Variants in KIF1B observed in about 807,000 individuals in gnomAD.
KIF1B encodes kinesin-like protein KIF1B.
In KIF1B, 76 loss-of-function variants were observed where a neutral mutation model predicts 241.9. The observed-to-expected ratio is 0.31, with a 90% CI of 0.26 to 0.38. The LOEUF (loss-of-function observed/expected upper bound fraction) is 0.38, where lower values mean the gene tolerates loss of function less well. KIF1B is among the 10% of genes least tolerant of loss of function. The pLI is 1.00. For synonymous variants in KIF1B, 750 were observed against 796.7 expected (o/e 0.94, Z 0.99); for missense variants, 1,622 against 2,271.4 (o/e 0.71, Z 5.81).
chr1:10,250,848 T>C (rs1647399919), intron 2 of KIF1B, among the ~76,000 whole-genome samples: 1 of 151,260 alleles, frequency 6.6e-6, no homozygotes, highest in Non-Finnish European at 1.5e-5. Context: ...GGATTAGTTG[T>C]TGATAGAAGC....
In KIF1B at chr1:10,354,059, C is replaced by T. The variant is rs572295829; in HGVS notation, c.4055+1323C>T. On this transcript the variant is annotated intron_variant, in intron 38 of 48. Transcript: ENST00000676179. ...GAAATACTGGTTATTCTAATTTTGC[C>T]TCCATTAGAGTAACTTTAAGAAGTC... Among the ~76,000 whole-genome samples the T allele has an allele frequency of 1.6e-4, 24 of 152,190 alleles. 1 individual carries two copies. Among genetic ancestry groups the T allele is most frequent in the South Asian group, 6.2e-4 (3 of 4,818 alleles).
In KIF1B at chr1:10,365,799, C is replaced by A; in HGVS notation, c.4752+151C>A. 8.7e-7 allele frequency: 1 copy of A among 1,148,238 alleles called. No homozygotes were observed. The highest frequency in any genetic ancestry group is 1.3e-6 in the Non-Finnish European group (1 of 791,890). The allele number at this position is 1,148,238 out of a possible 1,614,324, so 71.1% of individuals were successfully genotyped here. A position where few individuals can be genotyped will look rare whatever the true frequency, so the allele number is the denominator to read the frequency against. On this transcript the variant is annotated intron_variant, in intron 43 of 48. Coordinates refer to ENST00000676179, the MANE Select transcript of KIF1B (RefSeq NM_001365951.3). This position sits in a 1 kb window ranked among gnomAD's most constrained non-coding sequence, Gnocchi z 4.0. ...GAAATAAAAAGACGCAGTTCCTACC[C>A]TCAACAAGCTTACAGGGCCAGGCAC... is the stretch of plus-strand genomic sequence containing the variant.
At chr1:10,299,997 G>A (rs1650458098) in intron 22 of KIF1B, among the ~76,000 whole-genome samples, 1 of 152,072 alleles carries the variant, frequency 6.6e-6, no homozygotes, top group East Asian at 1.9e-4. Flanking sequence ...AGCACTTTGG[G>A]AGGCCAGGGC....
intron 2 of KIF1B, 44 bp from the exon 3 acceptor site, chr1:10,256,203 T>C (rs756351928): frequency 8.4e-7 from 1 of 1,192,922 alleles, no homozygotes; most frequent in African/African-American, 1.5e-5. Flanking sequence ...ACTAAAGAAC[T>C]TGTAATTGAG....
At chr1:10,271,703 C>G (rs1172806530) in intron 8 of KIF1B, 124 bp downstream of exon 8, 1 of 746,406 alleles carries the variant, frequency 1.3e-6, no homozygotes, top group Non-Finnish European at 2.4e-6. Context: ...TGCTTTTGCA[C>G]TACAATGGCA....
chr1:10,305,064 G>C, intron 22 of KIF1B: 1 of 1,072,768 alleles, frequency 9.3e-7, no homozygotes, highest in Non-Finnish European at 1.1e-6. Context: ...TTAAATGTCT[G>C]TTATTCATAA....
chr1:10,249,640 A>G (rs1334374050), intron 2 of KIF1B, among the ~76,000 whole-genome samples: 1 of 152,200 alleles, frequency 6.6e-6, no homozygotes, highest in Non-Finnish European at 1.5e-5. Context: ...AGTGGCCCAC[A>G]CTTGTAATCC....
rs116089798 is a variant in KIF1B, at chr1:10,360,959, T to C, written c.4086T>C (p.Asp1362=). Residue 1362 remains aspartate (D), a synonymous_variant, in exon 39 of 49, where the codon GAT becomes GAC. Transcript: ENST00000676179. ...RTFYRFEAVW[D]SSLHNSLLLN... ...TCTACCGCTTTGAGGCTGTGTGGGA[T>C]AGCTCTCTGCATAACTCCCTTCTTC... The C allele has an allele frequency of 1.9e-3, 3,018 of 1,614,002 alleles. 45 individuals carry two copies. The African/African-American group carries it at 0.034, about 18-fold the overall frequency.
At chr1:10,336,531 C>A in intron 28 of KIF1B, 126 bp from the exon 29 acceptor site, 1 of 783,374 alleles carries the variant, frequency 1.3e-6, no homozygotes, top group Non-Finnish European at 2.3e-6. Flanking sequence ...CAGCCCATGC[C>A]GTGTTACTAC....
intron 5 of KIF1B, among the ~76,000 whole-genome samples, chr1:10,265,257 G>T (rs1648393871): frequency 7.1e-6 from 1 of 140,474 alleles, no homozygotes; most frequent in African/African-American, 2.6e-5. Context: ...TATTTTTAGA[G>T]ACAGGATCTC....
intron 26 of KIF1B, 93 bp downstream of exon 26, chr1:10,324,988 A>G (rs1269238346): frequency 3.4e-6 from 5 of 1,472,256 alleles, no homozygotes; most frequent in African/African-American, 2.8e-5. Context: ...GTTAAGAGGA[A>G]AAAAAAAGGT....
rs747870005 is a variant in KIF1B, at chr1:10,227,032, C to CTTT, written c.-79-5198_-79-5196dup. Among the ~76,000 whole-genome samples, 176 of 112,920 alleles carry CTTT rather than the reference C, an allele frequency of 1.6e-3. 1 individual carries two copies. Among genetic ancestry groups the CTTT allele is most frequent in the African/African-American group, 3.7e-3 (108 of 29,378 alleles). The allele number at this position is 112,920 out of a possible 152,430, so 74.1% of individuals were successfully genotyped here. On this transcript the variant is annotated intron_variant, in intron 1 of 48. Transcript: ENST00000676179. ...TGGTTGATAAATAACGCAAGTCTCTCTTTTTTTTTTTTTTTTTTTTTTGAG... is the reference window on the plus strand; with the variant it reads ...TGGTTGATAAATAACGCAAGTCTCTCTTTTTTTTTTTTTTTTTTTTTTTTTGAG...
chr1:10,290,380 G>A (rs7553228), intron 15 of KIF1B, among the ~76,000 whole-genome samples: 1 of 151,932 alleles, frequency 6.6e-6, no homozygotes, highest in Non-Finnish European at 1.5e-5. Context: ...CGATTTAATA[G>A]TAAACCTTTC....
At chr1:10,363,655 T>C (rs1638486891) in intron 41 of KIF1B, among the ~76,000 whole-genome samples, 1 of 152,112 alleles carries the variant, frequency 6.6e-6, no homozygotes, top group Non-Finnish European at 1.5e-5. Flanking sequence ...ATTGTGCCAC[T>C]GCACTGCAGC....
At chr1:10,282,705 G>A (rs1001000274) in intron 15 of KIF1B, among the ~76,000 whole-genome samples, 172 bp downstream of exon 15, 2 of 151,882 alleles carry the variant, frequency 1.3e-5, no homozygotes, top group Admixed American at 6.5e-5. Flanking sequence ...TCATTAGAAT[G>A]CCTGAGTCTG....
chr1:10,272,775 G>A (rs974452080), intron 9 of KIF1B, among the ~76,000 whole-genome samples: 3 of 149,790 alleles, frequency 2.0e-5, no homozygotes, highest in African/African-American at 7.4e-5. Context: ...TGGTAGAACA[G>A]TAAAACTAAA....
At chr1:10,277,036 G>A (rs1357933307) in intron 12 of KIF1B, among the ~76,000 whole-genome samples, 6 of 151,126 alleles carry the variant, frequency 4.0e-5, no homozygotes, top group Non-Finnish European at 8.8e-5. Context: ...AGCCGAGATG[G>A]CGCCACTGCA....
chr1:10,304,620 C>T (rs1650733090), intron 22 of KIF1B: 2 of 1,613,884 alleles, frequency 1.2e-6, no homozygotes, highest in Non-Finnish European at 1.7e-6. Context: ...CACCCAATCT[C>T]AAAGCTGGTC....
chr1:10,372,329 G>GTT (rs1638753651), intron 45 of KIF1B, among the ~76,000 whole-genome samples: 2 of 152,056 alleles, frequency 1.3e-5, no homozygotes, highest in African/African-American at 4.8e-5. Flanking sequence ...CAGCCCACAA[G>GTT]TTTGAGACCA....
Sources: gnomAD v4.1 joint callset for allele counts (sites outside exome capture counted in the v4.1 genomes callset) on GRCh38, gnomAD v4.1.1 for gene constraint, Gnocchi (gnomAD v3.1) non-coding constraint, MANE v1.5 for transcripts, NCBI Gene and HGNC (gene_info 2026-07-23, HGNC 2026-07-21) for gene names.